The following PCDHA4 variants were observed in gnomAD, a reference collection of about 807,000 sequenced individuals.
PCDHA4 encodes protocadherin alpha-4.
Under a neutral mutation model 61.4 loss-of-function variants are expected in PCDHA4, and 49 were observed. The ratio of observed to expected loss-of-function variants is 0.80; its 90% CI spans 0.63 to 1.01. The LOEUF (loss-of-function observed/expected upper bound fraction) is 1.01. PCDHA4 is among the 50% of genes least tolerant of loss of function. The pLI is 0.00. For missense variants in PCDHA4, 1,254 were observed against 1,235.8 expected, an observed-to-expected ratio of 1.01 and a Z score of -0.22; for synonymous variants, 590 against 550.3, an observed-to-expected ratio of 1.07 and a Z score of -1.01.
At chr5:140,827,406 G>A (rs1299421304) in intron 1 of PCDHA4, among the ~76,000 whole-genome samples, 3 of 152,148 alleles carry the variant, frequency 2.0e-5, no homozygotes, top group African/African-American at 7.2e-5. Context: ...ATGTGATAAA[G>A]AATATGCTCT....
intron 1 of PCDHA4, chr5:140,822,371 T>C: frequency 1.2e-6 from 2 of 1,614,080 alleles, no homozygotes; most frequent in South Asian, 2.2e-5. Context: ...AGGAAATCCT[T>C]AGATAGAGAA....
chr5:140,829,374 G>A (rs2150166650), intron 1 of PCDHA4: 2 of 1,614,224 alleles, frequency 1.2e-6, no homozygotes, highest in Non-Finnish European at 8.5e-7. Context: ...GTAACCGCGC[G>A]GGACGGGGGC....
Position 140,968,830 on chromosome 5 carries a change from C to T in PCDHA4, c.2386-10119C>T, listed in dbSNP as rs782771762. On this transcript the variant is annotated intron_variant, in intron 1 of 3. Coordinates refer to ENST00000530339, the MANE Select transcript of PCDHA4 (RefSeq NM_018907.4). The stretch of plus-strand genomic sequence containing the variant: ...TGGTGGATAGGGTTTCCAAAATCCT[C>T]CCTGACACTCAGAGGCATGTTAAGA... 48 of 1,614,080 alleles carry T rather than the reference C, an allele frequency of 3.0e-5. No homozygotes were observed. The Admixed American group carries it at 8.0e-4, about 27-fold the overall frequency.
intron 1 of PCDHA4, among the ~76,000 whole-genome samples, chr5:140,971,488 A>AG (rs1338536132): frequency 1.3e-5 from 2 of 152,222 alleles, no homozygotes; most frequent in African/African-American, 4.8e-5. Flanking sequence ...ACATTGTTAC[A>AG]GTGTGGCAAG....
At chr5:140,864,296 A>T (rs1232211439) in intron 1 of PCDHA4, 1 of 152,194 alleles carries the variant, frequency 6.6e-6, no homozygotes, top group African/African-American at 2.4e-5. Context: ...TATGTATTCA[A>T]AAATACCATG....
chr5:140,818,184 T>G (rs1256179739), intron 1 of PCDHA4, among the ~76,000 whole-genome samples: 2 of 152,254 alleles, frequency 1.3e-5, no homozygotes, highest in Admixed American at 6.5e-5. Flanking sequence ...TATTCTTCTG[T>G]GACTATAAGT....
At chr5:140,838,935 T>TAATAA (rs1186571610) in intron 1 of PCDHA4, among the ~76,000 whole-genome samples, 8 of 151,738 alleles carry the variant, frequency 5.3e-5, no homozygotes, top group South Asian at 4.2e-4. Context: ...TAAAATGAAA[T>TAATAA]AATAAAATAA....
At chr5:141,009,217 G>T (rs1554262066) in intron 3 of PCDHA4, among the ~76,000 whole-genome samples, 1 of 152,234 alleles carries the variant, frequency 6.6e-6, no homozygotes, top group African/African-American at 2.4e-5. Flanking sequence ...CACTTTGGGA[G>T]GCCAAGGTGG....
chr5:140,990,822 C>G (rs1273714328), intron 3 of PCDHA4, among the ~76,000 whole-genome samples: 1 of 152,204 alleles, frequency 6.6e-6, no homozygotes. Flanking sequence ...CTTCTCTCAG[C>G]TAAAGCCTAT....
chr5:140,842,192 G>T (rs2150331449), intron 1 of PCDHA4: 27 of 1,613,606 alleles, frequency 1.7e-5, no homozygotes, highest in Non-Finnish European at 2.2e-5. Flanking sequence ...TATGGTTATT[G>T]ACCACTTTAG....
intron 1 of PCDHA4, among the ~76,000 whole-genome samples, chr5:140,972,821 G>A (rs372160406): frequency 3.3e-5 from 5 of 152,010 alleles, no homozygotes; most frequent in East Asian, 3.9e-4. Flanking sequence ...GCGCCACCAC[G>A]CCTGGCTAAT....
intron 1 of PCDHA4, chr5:140,824,833 T>C (rs1016078970): frequency 2.0e-5 from 3 of 152,074 alleles, no homozygotes; most frequent in Admixed American, 6.5e-5. Context: ...ATTATTATTT[T>C]ATTACACTAA....
chr5:140,927,643 G>A lies in PCDHA4; in HGVS notation c.2386-51306G>A. On this transcript the variant is annotated intron_variant, in intron 1 of 3. Coordinates refer to ENST00000530339, the MANE Select transcript of PCDHA4 (RefSeq NM_018907.4). The stretch of plus-strand genomic sequence containing the variant: ...TCCAGAGACTGCACCCAATGGGACT[G>A]TGTTATTCCGAGTTCAAGCCTTGGA... The A allele has an allele frequency of 3.7e-6, 6 of 1,614,170 alleles. No homozygotes were observed. Among genetic ancestry groups the A allele is most frequent in the South Asian group, 1.1e-5 (1 of 91,088 alleles).
At chr5:140,856,734 T>C in intron 1 of PCDHA4, 1 of 1,596,648 alleles carries the variant, frequency 6.3e-7, no homozygotes. Context: ...TCTCTGCTGA[T>C]CCTGGTGTTA....
At chr5:140,916,252 G>A (rs2077495466) in intron 1 of PCDHA4, among the ~76,000 whole-genome samples, 1 of 152,176 alleles carries the variant, frequency 6.6e-6, no homozygotes, top group Admixed American at 6.5e-5. Flanking sequence ...TGGACTTGGG[G>A]ACCCCAAGAG....
chr5:140,875,505 C>T, intron 1 of PCDHA4: 6 of 1,613,560 alleles, frequency 3.7e-6, no homozygotes, highest in Non-Finnish European at 5.1e-6. Context: ...GCCCGGGATC[C>T]CAGCGTCTGC....
At chr5:140,810,582 T>C (rs1412871983) in intron 1 of PCDHA4, 2 of 152,238 alleles carry the variant, frequency 1.3e-5, no homozygotes, top group African/African-American at 4.8e-5. Flanking sequence ...GTTGAGTACC[T>C]TTCTATTTTA....
rs1391320223 is a variant in PCDHA4, at chr5:140,927,345, C to T, written c.2386-51604C>T. The T allele has an allele frequency of 1.2e-6, 2 of 1,614,012 alleles. 1 individual carries two copies. On this transcript the variant is annotated intron_variant, in intron 1 of 3. Transcript: ENST00000530339. The stretch of plus-strand genomic sequence containing the variant: ...TTACTCTCCCGAATGCCCAAGATGA[C>T]GACGAGGGAAGCAATGGGATACTAA...
intron 1 of PCDHA4, chr5:140,929,227 G>A (rs141300036): frequency 6.2e-6 from 10 of 1,613,774 alleles, no homozygotes; most frequent in Admixed American, 5.0e-5. Context: ...CAATGCTGCC[G>A]ACCTGCGAAA....
Sources: allele counts gnomAD v4.1 joint callset (sites outside exome capture counted in the v4.1 genomes callset), GRCh38; gene constraint gnomAD v4.1.1; transcripts MANE v1.5; gene names NCBI Gene and HGNC (gene_info 2026-07-23, HGNC 2026-07-21).